IL1RAPL2: variants seen among roughly 807,000 people sequenced by gnomAD.
IL1RAPL2 encodes X-linked interleukin-1 receptor accessory protein-like 2.
A neutral mutation model predicts 44.1 loss-of-function variants in IL1RAPL2; 3 were observed. The observed-to-expected ratio is 0.07, with a 90% CI of 0.03 to 0.18. The LOEUF (loss-of-function observed/expected upper bound fraction) is 0.18. Ranked by LOEUF, IL1RAPL2 falls within the 10% of genes least tolerant of loss-of-function variation. The pLI is 1.00. For synonymous variants in IL1RAPL2, 181 were observed against 178.8 expected (o/e 1.01, Z -0.10); for missense variants, 391 against 496.4 (o/e 0.79, Z 2.02).
At chrX:105,393,612 G>T (rs1460985821) in intron 5 of IL1RAPL2, among the ~76,000 whole-genome samples, 1 of 110,551 alleles carries the variant, frequency 9.0e-6, no homozygotes, top group African/African-American at 3.3e-5. Context: ...TTCAAAGTTA[G>T]CTTCATCTAC....
chrX:104,906,872 G>A (rs1166774281), intron 2 of IL1RAPL2, among the ~76,000 whole-genome samples: 1 of 111,785 alleles, frequency 8.9e-6, no homozygotes, highest in Non-Finnish European at 1.9e-5. Context: ...AATAGTTTCA[G>A]AAGGAAACTA....
At chrX:105,586,240 A>G (rs1032496413) in intron 6 of IL1RAPL2, among the ~76,000 whole-genome samples, 5 of 112,064 alleles carry the variant, frequency 4.5e-5, no homozygotes, top group African/African-American at 1.6e-4. Flanking sequence ...GCCAACAAAC[A>G]GAAAAAAAAG....
At chrX:105,349,515 T>C (rs774538267) in intron 5 of IL1RAPL2, among the ~76,000 whole-genome samples, 159 of 112,065 alleles carry the variant, frequency 1.4e-3, no homozygotes, top group African/African-American at 4.9e-3. Context: ...AACCCAACAA[T>C]GTTAGAGAAC....
intron 2 of IL1RAPL2, among the ~76,000 whole-genome samples, chrX:104,934,991 C>G (rs1392520934): frequency 1.8e-5 from 2 of 112,081 alleles, no homozygotes; most frequent in Non-Finnish European, 3.8e-5. Flanking sequence ...TCTGTTTCCA[C>G]AGCTACCTCA....
chrX:105,173,332 G>A (rs2033441850), intron 2 of IL1RAPL2, among the ~76,000 whole-genome samples: 1 of 111,958 alleles, frequency 8.9e-6, no homozygotes, highest in Non-Finnish European at 1.9e-5. Context: ...GATGGTTCAG[G>A]ACAGAGCCAG....
intron 6 of IL1RAPL2, among the ~76,000 whole-genome samples, chrX:105,560,459 C>T (rs1158153937): frequency 9.0e-6 from 1 of 110,983 alleles, no homozygotes; most frequent in Admixed American, 9.6e-5. Flanking sequence ...ACTCTTGTCA[C>T]CCAGGCTGTA....
At chrX:105,088,080 C>T (rs1201584069) in intron 2 of IL1RAPL2, among the ~76,000 whole-genome samples, 1 of 112,010 alleles carries the variant, frequency 8.9e-6, no homozygotes, top group Non-Finnish European at 1.9e-5. Context: ...AGTTGTTAAA[C>T]ATTAACATAA....
At chrX:104,707,422 C>T (rs1255200975) in intron 2 of IL1RAPL2, among the ~76,000 whole-genome samples, 2 of 111,568 alleles carry the variant, frequency 1.8e-5, no homozygotes, top group South Asian at 3.7e-4. Flanking sequence ...CAACAGTAGG[C>T]GTTATCTAAA....
At position 105,013,327 on chromosome X, in the gene IL1RAPL2, C is replaced by T. The variant is rs754064608; in HGVS notation, c.83-182148C>T. Among the ~76,000 whole-genome samples, 6 of 110,496 alleles carry T rather than the reference C, an allele frequency of 5.4e-5. No individual in the cohort carries two copies. The South Asian group carries it at 1.2e-3, about 21-fold the overall frequency. ...GTGCTTCTAGCTATGCCAACAGAAC[C>T]GCAGCATCAAAGAGTTGCATCCTCA... On this transcript the variant is annotated intron_variant, in intron 2 of 10. Coordinates refer to ENST00000372582, the MANE Select transcript of IL1RAPL2 (RefSeq NM_017416.2).
intron 6 of IL1RAPL2, among the ~76,000 whole-genome samples, chrX:105,515,069 G>T (rs529281045): frequency 8.9e-6 from 1 of 112,003 alleles, no homozygotes; most frequent in East Asian, 2.8e-4. Flanking sequence ...CCTAGGCTCT[G>T]ATCACAGAGT....
At chrX:104,682,126 G>A (rs1299199726) in intron 2 of IL1RAPL2, among the ~76,000 whole-genome samples, 2 of 112,245 alleles carry the variant, frequency 1.8e-5, no homozygotes, top group Non-Finnish European at 3.8e-5. Flanking sequence ...GCTTCTTTAA[G>A]ATAGCCAACA....
intron 5 of IL1RAPL2, among the ~76,000 whole-genome samples, chrX:105,393,396 C>G (rs1377593427): frequency 9.0e-6 from 1 of 111,197 alleles, no homozygotes; most frequent in Non-Finnish European, 1.9e-5. Context: ...GTGATATTAT[C>G]TACAGGAGTA....
chrX:104,566,723 T>G lies in IL1RAPL2; in HGVS notation c.-348T>G, dbSNP rs1284737757. 1 of 113,131 alleles carries G rather than the reference T, an allele frequency of 8.8e-6. No homozygotes were observed. Among genetic ancestry groups the G allele is most frequent in the Non-Finnish European group, 1.9e-5 (1 of 53,406 alleles). 9.3% of individuals were successfully genotyped at this position (113,131 alleles called of 1,213,427 possible). A position where few individuals can be genotyped will look rare whatever the true frequency, so the allele number is the denominator to read the frequency against. On this transcript the variant is annotated 5_prime_UTR_variant, in exon 1 of 11. Coordinates refer to ENST00000372582, the MANE Select transcript of IL1RAPL2 (RefSeq NM_017416.2). ...GCATCTGCCATTCTAACTACGGAGC[T>G]GAGTAATTTAGAAACCCTCCTTAAC...
At chrX:105,737,538 C>T (rs926723605) in intron 7 of IL1RAPL2, among the ~76,000 whole-genome samples, 11 of 110,920 alleles carry the variant, frequency 9.9e-5, no homozygotes, top group Non-Finnish European at 2.1e-4. Flanking sequence ...TTCAAATCCT[C>T]TCTCCAGATT....
rs780815919 is a variant in IL1RAPL2 at position 105,385,924 on chromosome X, A to G, written c.698-98389A>G. Among the ~76,000 whole-genome samples the G allele has an allele frequency of 2.7e-5, 3 of 111,760 alleles. No individual in the cohort carries two copies. In the South Asian group the frequency reaches 1.1e-3, roughly 42 times the overall value. ...GAGCAAAGGCTTTCACCACGTAGAC[A>G]TTTCCTCCTTTCTTTTTCCAGTAAT... On this transcript the variant is annotated intron_variant, in intron 5 of 10. Transcript: ENST00000372582.
At chrX:104,664,245 T>C (rs1284402716) in intron 2 of IL1RAPL2, among the ~76,000 whole-genome samples, 1 of 111,612 alleles carries the variant, frequency 9.0e-6, no homozygotes, top group African/African-American at 3.3e-5. Context: ...GGCAGTCTTT[T>C]CCAGGGCATG....
intron 6 of IL1RAPL2, among the ~76,000 whole-genome samples, chrX:105,550,389 G>T (rs1181922610): frequency 8.9e-6 from 1 of 112,076 alleles, no homozygotes; most frequent in Non-Finnish European, 1.9e-5. Context: ...TCAATAAAAA[G>T]GGATGGAATT....
intron 5 of IL1RAPL2, among the ~76,000 whole-genome samples, chrX:105,332,370 G>A (rs113346386): frequency 1.8e-5 from 2 of 109,677 alleles, no homozygotes; most frequent in Non-Finnish European, 3.8e-5. Flanking sequence ...CACTTGTGCT[G>A]GTTCTTTTGC....
At chrX:104,716,994 C>G (rs1037189871) in intron 2 of IL1RAPL2, among the ~76,000 whole-genome samples, 5 of 111,833 alleles carry the variant, frequency 4.5e-5, no homozygotes, top group African/African-American at 1.6e-4. Flanking sequence ...CATCACTATT[C>G]ACAATAGCAA....
Sources: allele counts gnomAD v4.1 joint callset (sites outside exome capture counted in the v4.1 genomes callset), GRCh38; gene constraint gnomAD v4.1.1; transcripts MANE v1.5; gene names NCBI Gene and HGNC (gene_info 2026-07-23, HGNC 2026-07-21).